SAMD3: variants seen among roughly 807,000 people sequenced by gnomAD.
The protein encoded by SAMD3 is sterile alpha motif domain containing 3.
SAMD3 carries 63 observed loss-of-function variants against 58.5 expected under a neutral mutation model. The ratio of observed to expected loss-of-function variants is 1.08; its 90% CI spans 0.88 to 1.33. The LOEUF (loss-of-function observed/expected upper bound fraction) is 1.33. Ranked by LOEUF, SAMD3 falls within the 40% of genes most tolerant of loss-of-function variation. SAMD3 has a pLI of 0.00. For synonymous variants in SAMD3, 220 were observed against 210.3 expected, an observed-to-expected ratio of 1.05 and a Z score of -0.40; for missense variants, 604 against 608.4, an observed-to-expected ratio of 0.99 and a Z score of 0.08.
chr6:130,184,587 T>C lies in SAMD3; in HGVS notation c.420A>G (p.Ala140=). 1 of 1,610,806 alleles carries C rather than the reference T, an allele frequency of 6.2e-7. No homozygotes were observed. The highest frequency in any genetic ancestry group is 8.5e-7 in the Non-Finnish European group (1 of 1,178,882). ...NVKQILARSK[A]LQWTKSYVLP... is the part of the protein sequence containing the mutation. ...AAACATAGGACTTCGTCCACTGTAA[T>C]GCTTTGCTTCTTGCTAGAATTTGTT... Residue 140 remains alanine (A), a synonymous_variant, in exon 6 of 12, where the codon GCA becomes GCG. Coordinates refer to ENST00000439090, the MANE Select transcript of SAMD3 (RefSeq NM_001017373.4).
At chr6:130,241,978 A>T (rs1472914853) in intron 2 of SAMD3, among the ~76,000 whole-genome samples, 1 of 152,152 alleles carries the variant, frequency 6.6e-6, no homozygotes, top group African/African-American at 2.4e-5. Context: ...GAGACCTGAT[A>T]TTTTTCAGGA....
At chr6:130,225,021 T>C (rs1408089598), upstream of SAMD3, among the ~76,000 whole-genome samples, 1 of 152,066 alleles carries the variant, frequency 6.6e-6, no homozygotes, top group Non-Finnish European at 1.5e-5. Flanking sequence ...TTTGTGTGTA[T>C]GTGTGTGTGT....
At chr6:130,226,452 A>C (rs947733358), upstream of SAMD3, among the ~76,000 whole-genome samples, 3 of 152,354 alleles carry the variant, frequency 2.0e-5, no homozygotes, top group African/African-American at 7.2e-5. Flanking sequence ...AGAGCCCTAT[A>C]GGTCAAAGTT....
intron 2 of SAMD3, among the ~76,000 whole-genome samples, chr6:130,282,488 C>T (rs1271691087): frequency 6.6e-6 from 1 of 152,148 alleles, no homozygotes; most frequent in East Asian, 1.9e-4. Context: ...TAGTCTTGGT[C>T]TCAATAGTAC....
intron 1 of SAMD3, among the ~76,000 whole-genome samples, chr6:130,339,700 CT>C (rs574755216): frequency 1.3e-5 from 2 of 152,124 alleles, no homozygotes; most frequent in Non-Finnish European, 2.9e-5. Flanking sequence ...CACATTTATG[CT>C]TTTTTTCCTC....
intron 1 of SAMD3, among the ~76,000 whole-genome samples, chr6:130,361,941 G>A (rs151105009): frequency 5.1e-4 from 78 of 152,300 alleles, no homozygotes; most frequent in African/African-American, 1.7e-3. Context: ...ATGTGGACAT[G>A]TTAAAATTAT....
intron 2 of SAMD3, among the ~76,000 whole-genome samples, chr6:130,237,802 G>A (rs924558164): frequency 1.3e-5 from 2 of 152,076 alleles, no homozygotes; most frequent in South Asian, 2.1e-4. Flanking sequence ...CCTCCAAATT[G>A]ATTCAGGTAA....
At chr6:130,308,303 G>A (rs62431360) in intron 2 of SAMD3, among the ~76,000 whole-genome samples, 25,031 of 150,452 alleles carry the variant, frequency 0.17, 2,402 homozygotes, top group East Asian at 0.36. Flanking sequence ...GGAGAGAGTC[G>A]AGGTCCTCAT....
At chr6:130,214,982 T>G (rs1046305673) in intron 3 of SAMD3, among the ~76,000 whole-genome samples, 10 of 152,312 alleles carry the variant, frequency 6.6e-5, no homozygotes, top group Admixed American at 2.0e-4. Flanking sequence ...TTTATTTGAG[T>G]TCTTAAAATA....
intron 5 of SAMD3, among the ~76,000 whole-genome samples, chr6:130,205,433 A>G (rs2114805528): frequency 6.6e-6 from 1 of 152,072 alleles, no homozygotes; most frequent in Middle Eastern, 3.4e-3. Context: ...CCTCTCAAGT[A>G]TCTGGGATTA....
chr6:130,220,562 G>T (rs1191550890), intron 1 of SAMD3, among the ~76,000 whole-genome samples: 6 of 152,228 alleles, frequency 3.9e-5, no homozygotes, highest in African/African-American at 7.2e-5. Flanking sequence ...TTTATGAAAA[G>T]CTGGATGTGT....
chr6:130,215,508 G>A, intron 2 of SAMD3: 1 of 1,326,162 alleles, frequency 7.5e-7, no homozygotes, highest in Non-Finnish European at 9.6e-7. Flanking sequence ...CTATTTCCTA[G>A]CATCCCATTT....
chr6:130,160,835 T>G (rs1291416057), intron 8 of SAMD3: 2 of 152,072 alleles, frequency 1.3e-5, no homozygotes, highest in African/African-American at 4.8e-5. Flanking sequence ...TGGAAGGTGG[T>G]GAAAAGAAAA....
chr6:130,143,690 A>ATAAG (rs1290043752), downstream of SAMD3: 1 of 152,238 alleles, frequency 6.6e-6, no homozygotes, highest in African/African-American at 2.4e-5. Flanking sequence ...TCCAAAGCTA[A>ATAAG]TAAGTCATGT....
intron 2 of SAMD3, among the ~76,000 whole-genome samples, chr6:130,295,226 C>G (rs1775532072): frequency 1.3e-5 from 2 of 152,102 alleles, no homozygotes; most frequent in Non-Finnish European, 2.9e-5. Context: ...TCCAGCCTCT[C>G]TGATTATTTT....
chr6:130,284,132 C>T (rs755993268), intron 2 of SAMD3, among the ~76,000 whole-genome samples: 38 of 152,172 alleles, frequency 2.5e-4, no homozygotes, highest in Admixed American at 1.3e-3. Flanking sequence ...GGATTATAGG[C>T]GTGAGCCACC....
rs572112734 is a variant in SAMD3 at position 130,162,617 on chromosome 6, A to G, written c.823-7592T>C. On this transcript the variant is annotated intron_variant, in intron 8 of 11. Coordinates refer to ENST00000439090, the MANE Select transcript of SAMD3 (RefSeq NM_001017373.4). ...TCAGCTCCCAAAGTGCTGGGGTTAC[A>G]GGCATGAGTCACTGCATCTGGTCCC... is the stretch of plus-strand genomic sequence containing the variant. Among the ~76,000 whole-genome samples, 350 of 152,084 alleles carry G rather than the reference A, an allele frequency of 2.3e-3. 1 individual carries two copies. The highest frequency in any genetic ancestry group is 8.0e-3 in the African/African-American group (334 of 41,522).
intron 5 of SAMD3, among the ~76,000 whole-genome samples, chr6:130,200,597 T>C (rs1794570260): frequency 6.7e-6 from 1 of 148,432 alleles, no homozygotes; most frequent in Admixed American, 6.7e-5. Flanking sequence ...AGGCATGACA[T>C]GCTCAGTTGT....
chr6:130,198,851 C>A (rs1269821757), intron 5 of SAMD3, among the ~76,000 whole-genome samples: 3 of 152,152 alleles, frequency 2.0e-5, no homozygotes, highest in Non-Finnish European at 4.4e-5. Context: ...TTCAGTTGCA[C>A]CCCATGTGGC....
Sources: gnomAD v4.1 joint callset for allele counts (sites outside exome capture counted in the v4.1 genomes callset) on GRCh38, gnomAD v4.1.1 for gene constraint, MANE v1.5 for transcripts, NCBI Gene and HGNC (gene_info 2026-07-23, HGNC 2026-07-21) for gene names.